Variants in CDKN2B-AS1 observed in about 807,000 individuals in gnomAD.
The protein encoded by CDKN2B-AS1 is CDKN2B antisense RNA 1 (non-protein coding).
intron 1 of CDKN2B-AS1, chr9:22,009,071 G>T: frequency 6.8e-7 from 1 of 1,471,212 alleles, no homozygotes; most frequent in Non-Finnish European, 9.4e-7. Context: ...TAGGAGACCT[G>T]GGCTCAGCTT....
At chr9:22,014,709 T>C (rs1419887780) in intron 1 of CDKN2B-AS1, among the ~76,000 whole-genome samples, 1 of 151,484 alleles carries the variant, frequency 6.6e-6, no homozygotes, top group Non-Finnish European at 1.5e-5. Flanking sequence ...GCTGCACCCA[T>C]TAACTTGTCA....
Position 22,005,808 on chromosome 9 carries a change from A to G in CDKN2B-AS1, n.29+10647A>G. 1.3e-6 allele frequency: 1 copy of G among 775,044 alleles called. No individual in the cohort carries two copies. The highest frequency in any genetic ancestry group is 2.1e-6 in the Non-Finnish European group (1 of 480,888). The allele number at this position is 775,044 out of a possible 1,614,324, so 48.0% of individuals were successfully genotyped here. A position where few individuals can be genotyped will look rare whatever the true frequency, so the allele number is the denominator to read the frequency against. ...GTGTCGAGGGCCAGATAAGACAAAGAAAAAAATGTATGGAAGGTTATTCCC... is the reference window on the plus strand; with the variant it reads ...GTGTCGAGGGCCAGATAAGACAAAGGAAAAAATGTATGGAAGGTTATTCCC... On this transcript the variant is annotated intron_variant and non_coding_transcript_variant, in intron 1 of 4. Coordinates refer to ENST00000650946, the Ensembl canonical transcript of CDKN2B-AS1. The surrounding 1 kb of genome is among the most constrained non-coding windows in gnomAD (Gnocchi z 4.9).
intron 1 of CDKN2B-AS1, among the ~76,000 whole-genome samples, chr9:22,002,041 T>G (rs1326406749): frequency 6.6e-6 from 1 of 152,130 alleles, no homozygotes; most frequent in African/African-American, 2.4e-5. Flanking sequence ...CATATATGTG[T>G]GATTGTGTAT....
At chr9:22,009,346 A>T (rs1563917597) in intron 1 of CDKN2B-AS1, 1 of 384,262 alleles carries the variant, frequency 2.6e-6, no homozygotes, top group South Asian at 3.0e-5. Context: ...CAGCTGGGCC[A>T]AGGGGCCGGC....
At chr9:22,079,506 TAAA>T (rs74958544) in intron 4 of CDKN2B-AS1, among the ~76,000 whole-genome samples, 8 of 98,792 alleles carry the variant, frequency 8.1e-5, no homozygotes, top group Admixed American at 3.3e-4. Flanking sequence ...AAACACCATC[TAAA>T]AAAAAAAAAA....
chr9:22,094,756 G>A (rs1387861150), intron 4 of CDKN2B-AS1, among the ~76,000 whole-genome samples: 1 of 143,490 alleles, frequency 7.0e-6, no homozygotes, highest in Admixed American at 6.8e-5. Context: ...CCATGGGTTC[G>A]AACTTCCTCC....
At chr9:22,069,123 G>A (rs1008298678) in intron 4 of CDKN2B-AS1, among the ~76,000 whole-genome samples, 5 of 152,102 alleles carry the variant, frequency 3.3e-5, no homozygotes, top group Admixed American at 1.3e-4. Context: ...TTTCCTGTGT[G>A]AAAATAATGC....
rs753769321 is a variant in CDKN2B-AS1 at position 22,006,508 on chromosome 9, T to C, written n.29+11347T>C. On this transcript the variant is annotated intron_variant and non_coding_transcript_variant, in intron 1 of 4. Transcript: ENST00000650946. This position sits in a 1 kb window ranked among gnomAD's most constrained non-coding sequence, Gnocchi z 6.4. ...CGTGCAGAGACAAGAAAGTTGATGG[T>C]AAAGTGATGATCATCATTATGGAAA... 5.3e-5 allele frequency among the ~76,000 whole-genome samples: 8 copies of C among 152,214 alleles called. No individual in the cohort carries two copies. The highest frequency in any genetic ancestry group is 7.2e-5 in the African/African-American group (3 of 41,458).
intron 4 of CDKN2B-AS1, among the ~76,000 whole-genome samples, chr9:22,124,148 T>C (rs1446887681): frequency 6.6e-6 from 1 of 152,178 alleles, no homozygotes; most frequent in Non-Finnish European, 1.5e-5. Context: ...TATATTTCAT[T>C]TATAAAAGGT....
intron 1 of CDKN2B-AS1, chr9:22,012,512 A>C (rs1277336714): frequency 4.6e-6 from 3 of 649,346 alleles, no homozygotes; most frequent in African/African-American, 3.6e-5. Context: ...CCACACCAAC[A>C]ACCTGCACCC....
intron 4 of CDKN2B-AS1, chr9:22,117,565 G>A (rs996651563): frequency 6.6e-6 from 1 of 152,262 alleles, no homozygotes; most frequent in Non-Finnish European, 1.5e-5. Flanking sequence ...GCCTTAGCAA[G>A]TGAATCATTT....
At chr9:22,116,897 T>C (rs1004994167) in intron 4 of CDKN2B-AS1, among the ~76,000 whole-genome samples, 1 of 152,184 alleles carries the variant, frequency 6.6e-6, no homozygotes, top group African/African-American at 2.4e-5. Flanking sequence ...CTAAAAGGAA[T>C]ATTATGACTA....
chr9:22,019,959 A>G (rs935531447), intron 1 of CDKN2B-AS1, among the ~76,000 whole-genome samples: 1 of 152,128 alleles, frequency 6.6e-6, no homozygotes, highest in Admixed American at 6.5e-5. Flanking sequence ...AGATTGTTTC[A>G]TCACCCAGGT....
intron 1 of CDKN2B-AS1, among the ~76,000 whole-genome samples, chr9:22,043,445 A>C (rs1347708851): frequency 1.3e-5 from 2 of 151,658 alleles, no homozygotes; most frequent in Non-Finnish European, 2.9e-5. Flanking sequence ...CGCTGTTTTG[A>C]TTTTCTTCAA....
intron 4 of CDKN2B-AS1, among the ~76,000 whole-genome samples, chr9:22,096,190 TGGG>T (rs1825269791): frequency 6.6e-6 from 1 of 152,174 alleles, no homozygotes; most frequent in Non-Finnish European, 1.5e-5. Context: ...GGACAAATGT[TGGG>T]GAATGTTGAG....
At chr9:22,054,717 A>T (rs1448060232) in intron 3 of CDKN2B-AS1, among the ~76,000 whole-genome samples, 3 of 147,296 alleles carry the variant, frequency 2.0e-5, no homozygotes, top group Admixed American at 2.0e-4. Flanking sequence ...TTAAATTTTT[A>T]TTTATTTTAT....
intron 1 of CDKN2B-AS1, among the ~76,000 whole-genome samples, chr9:22,043,091 A>G (rs1483436567): frequency 6.6e-6 from 1 of 152,022 alleles, no homozygotes; most frequent in Non-Finnish European, 1.5e-5. Flanking sequence ...TCTGTATTTT[A>G]TTTGGTTTTG....
rs574542082 is a variant in CDKN2B-AS1, at chr9:22,039,766, A to G, written n.30-6985A>G. On this transcript the variant is annotated intron_variant and non_coding_transcript_variant, in intron 1 of 4. Transcript: ENST00000650946. This position sits in a 1 kb window ranked among gnomAD's most constrained non-coding sequence, Gnocchi z 4.4. Reference sequence around the variant, plus strand: ...ATCTTCAGGCCCTCAAAATTTTTTCATTCCATTTGTTATGGGCTGAATTGT... The same window carrying G: ...ATCTTCAGGCCCTCAAAATTTTTTCGTTCCATTTGTTATGGGCTGAATTGT... Among the ~76,000 whole-genome samples the G allele has an allele frequency of 1.1e-3, 168 of 152,066 alleles. No individual in the cohort carries two copies. The highest frequency in any genetic ancestry group is 3.9e-3 in the African/African-American group (163 of 41,524).
intron 4 of CDKN2B-AS1, among the ~76,000 whole-genome samples, chr9:22,063,510 A>T (rs1030740314): frequency 5.9e-5 from 9 of 152,158 alleles, no homozygotes; most frequent in African/African-American, 9.7e-5. Flanking sequence ...AACATCAGAG[A>T]CCATATGTTT....
Sources: allele counts gnomAD v4.1 joint callset (sites outside exome capture counted in the v4.1 genomes callset), GRCh38; gene constraint gnomAD v4.1.1; non-coding constraint Gnocchi (gnomAD v3.1); transcripts MANE v1.5; gene names NCBI Gene and HGNC (gene_info 2026-07-23, HGNC 2026-07-21).